Variants in BRIP1 observed in about 807,000 individuals in gnomAD.
The protein encoded by BRIP1 is BRCA1 interacting DNA helicase 1, also known as Fanconi anemia group J protein.
Under a neutral mutation model 119.7 loss-of-function variants are expected in BRIP1, and 88 were observed. The observed-to-expected ratio is 0.74, with a 90% CI of 0.62 to 0.88. The LOEUF is 0.88. BRIP1 is among the 40% of genes least tolerant of loss of function. The pLI, the probability that BRIP1 is intolerant of heterozygous loss-of-function variation, is 0.00. For synonymous variants in BRIP1, 443 were observed against 496.5 expected (o/e 0.89, Z 1.43); for missense variants, 1,259 against 1,455.4 (o/e 0.87, Z 2.20).
At chr17:61,737,892 T>C (rs1255967359) in intron 16 of BRIP1, among the ~76,000 whole-genome samples, 3 of 152,214 alleles carry the variant, frequency 2.0e-5, no homozygotes, top group African/African-American at 7.2e-5. Context: ...GTAGAAATTA[T>C]CCCTTTTCTC....
chr17:61,773,969 C>T (rs899499024), intron 14 of BRIP1, among the ~76,000 whole-genome samples: 5 of 152,082 alleles, frequency 3.3e-5, no homozygotes, highest in East Asian at 3.9e-4. Context: ...GAAACAGGAA[C>T]GCTTTTACAC....
chr17:61,761,413 A>T lies in BRIP1; in HGVS notation c.2097+14988T>A, dbSNP rs568514766. 6.6e-6 allele frequency among the ~76,000 whole-genome samples: 1 copy of T among 152,164 alleles called. No individual in the cohort carries two copies. Among genetic ancestry groups the T allele is most frequent in the South Asian group, 2.1e-4 (1 of 4,822 alleles). On this transcript the variant is annotated intron_variant, in intron 14 of 19. Coordinates refer to ENST00000259008, the MANE Select transcript of BRIP1 (RefSeq NM_032043.3). The surrounding 1 kb of genome is among the most constrained non-coding windows in gnomAD (Gnocchi z 6.4). The stretch of plus-strand genomic sequence containing the variant: ...CAGTACTGAAGTCCTTGCCAGAAAA[A>T]TTTAGAAAGAGAAAGAAATAAAAAG...
At position 61,852,440 on chromosome 17, in the gene BRIP1, G is replaced by A. The variant is rs77877741; in HGVS notation, c.380-3184C>T. Among the ~76,000 whole-genome samples the A allele has an allele frequency of 6.6e-6, 1 of 152,076 alleles. No homozygotes were observed. Among genetic ancestry groups the A allele is most frequent in the Non-Finnish European group, 1.5e-5 (1 of 68,018 alleles). On this transcript the variant is annotated intron_variant, in intron 4 of 19. Transcript: ENST00000259008. The surrounding 1 kb of genome is among the most constrained non-coding windows in gnomAD (Gnocchi z 4.9). ...TTCAAGCACTTTGGGAGGCTGAGGC[G>A]AGTGATCATTTGAGGTCAGGAGTTA...
chr17:61,713,923 G>A lies in BRIP1; in HGVS notation c.2492+2028C>T, dbSNP rs2159452. Among the ~76,000 whole-genome samples the A allele has an allele frequency of 0.022, 3,271 of 152,004 alleles. 55 individuals are homozygous for A. The highest frequency in any genetic ancestry group is 0.031 in the Non-Finnish European group (2,076 of 67,948). On this transcript the variant is annotated intron_variant, in intron 17 of 19. Coordinates refer to ENST00000259008, the MANE Select transcript of BRIP1 (RefSeq NM_032043.3). This position sits in a 1 kb window ranked among gnomAD's most constrained non-coding sequence, Gnocchi z 4.9. ...GAATAAGGATATAAAAATTATTTTT[G>A]TACAGCTGTATAATTTGTGTTTTAA...
rs2158005 is a variant in BRIP1 at position 61,709,174 on chromosome 17, G to T, written c.2492+6777C>A. On this transcript the variant is annotated intron_variant, in intron 17 of 19. Coordinates refer to ENST00000259008, the MANE Select transcript of BRIP1 (RefSeq NM_032043.3). The surrounding 1 kb of genome is among the most constrained non-coding windows in gnomAD (Gnocchi z 5.0). ...CTTTTTCATGCATAAATCTGAAAGTGCTTGTTGACTATCATCAATGTAGAT... is the reference window on the plus strand; with the variant it reads ...CTTTTTCATGCATAAATCTGAAAGTTCTTGTTGACTATCATCAATGTAGAT... 0.38 allele frequency among the ~76,000 whole-genome samples: 57,356 copies of T among 151,958 alleles called. 11,368 individuals are homozygous for T. Among genetic ancestry groups the T allele is most frequent in the African/African-American group, 0.49 (20,377 of 41,446 alleles).
Position 61,713,506 on chromosome 17 carries a change from A to G in BRIP1, c.2492+2445T>C, listed in dbSNP as rs1465267795. On this transcript the variant is annotated intron_variant, in intron 17 of 19. Coordinates refer to ENST00000259008, the MANE Select transcript of BRIP1 (RefSeq NM_032043.3). This position sits in a 1 kb window ranked among gnomAD's most constrained non-coding sequence, Gnocchi z 4.9. ...ATCCTGTGTAGGCCTAGGATACTAC[A>G]TGAGTGTTTATGTCTTCATTTTTTT... Among the ~76,000 whole-genome samples the G allele has an allele frequency of 3.3e-5, 5 of 151,718 alleles. No homozygotes were observed. Among genetic ancestry groups the G allele is most frequent in the African/African-American group, 4.8e-5 (2 of 41,296 alleles).
At position 61,740,974 on chromosome 17, in the gene BRIP1, T is replaced by G. The variant is rs539109717; in HGVS notation, c.2379+2039A>C. Among the ~76,000 whole-genome samples, 2 of 152,196 alleles carry G rather than the reference T, an allele frequency of 1.3e-5. No homozygotes were observed. Among genetic ancestry groups the G allele is most frequent in the Non-Finnish European group, 2.9e-5 (2 of 68,044 alleles). ...TTTCACAATAGATTTCTCTGTGGCA[T>G]AAGATGCTCTTTGATAGCATTTTAC... On this transcript the variant is annotated intron_variant, in intron 16 of 19. Coordinates refer to ENST00000259008, the MANE Select transcript of BRIP1 (RefSeq NM_032043.3). The surrounding 1 kb of genome is among the most constrained non-coding windows in gnomAD (Gnocchi z 5.4).
Position 61,816,794 on chromosome 17 carries a change from G to A in BRIP1, c.628-8037C>T, listed in dbSNP as rs1040038070. ...AGACTCAAACGAGCAAAATGGGGAA[G>A]TGGGCGGGTAGGCGGAAAATATCTT... On this transcript the variant is annotated intron_variant, in intron 6 of 19. Transcript: ENST00000259008. The surrounding 1 kb of genome is among the most constrained non-coding windows in gnomAD (Gnocchi z 5.0). Among the ~76,000 whole-genome samples, 4 of 152,168 alleles carry A rather than the reference G, an allele frequency of 2.6e-5. No individual in the cohort carries two copies. The highest frequency in any genetic ancestry group is 5.9e-5 in the Non-Finnish European group (4 of 68,022).
chr17:61,772,971 G>A (rs2077481139), intron 14 of BRIP1, among the ~76,000 whole-genome samples: 1 of 151,814 alleles, frequency 6.6e-6, no homozygotes, highest in African/African-American at 2.4e-5. Flanking sequence ...TATAGTGAAG[G>A]GAGCTGTTGT....
chr17:61,826,731 T>TAAAAAAAAAAAAA (rs58466965), intron 6 of BRIP1, among the ~76,000 whole-genome samples: 1 of 75,318 alleles, frequency 1.3e-5, no homozygotes, highest in Non-Finnish European at 2.5e-5. Context: ...TATTAAAAAG[T>TAAAAAAAAAAAAA]AAAAAAAAAA....
rs1474062500 is a variant in BRIP1 at position 61,755,470 on chromosome 17, G to A, written c.2098-10879C>T. Reference sequence around the variant, plus strand: ...GTTACTCAGGAGGCTGAGGTGGGAGGACTGCTTGAGCCCTGGAGGTTGAGG... The same window carrying A: ...GTTACTCAGGAGGCTGAGGTGGGAGAACTGCTTGAGCCCTGGAGGTTGAGG... On this transcript the variant is annotated intron_variant, in intron 14 of 19. Coordinates refer to ENST00000259008, the MANE Select transcript of BRIP1 (RefSeq NM_032043.3). The surrounding 1 kb of genome is among the most constrained non-coding windows in gnomAD (Gnocchi z 4.5). Among the ~76,000 whole-genome samples, 2 of 152,060 alleles carry A rather than the reference G, an allele frequency of 1.3e-5. No individual in the cohort carries two copies. The highest frequency in any genetic ancestry group is 3.9e-4 in the East Asian group (2 of 5,188).
At position 61,839,777 on chromosome 17, in the gene BRIP1, TAG is replaced by T. The variant is rs539071481; in HGVS notation, c.627+7322_627+7323del. Among the ~76,000 whole-genome samples, 9 of 152,302 alleles carry T rather than the reference TAG, an allele frequency of 5.9e-5. No individual in the cohort carries two copies. In the South Asian group the frequency reaches 1.9e-3, roughly 32 times the overall value. On this transcript the variant is annotated intron_variant, in intron 6 of 19. Coordinates refer to ENST00000259008, the MANE Select transcript of BRIP1 (RefSeq NM_032043.3). ...AAATTATTCCATTTCTAGAGATATG[TAG>T]AGTTATACCACCTAAAGCCAAGGAA...
chr17:61,808,873 A>G lies in BRIP1; in HGVS notation c.628-116T>C. On this transcript the variant is annotated intron_variant, in intron 6 of 19. Coordinates refer to ENST00000259008, the MANE Select transcript of BRIP1 (RefSeq NM_032043.3). This position sits in a 1 kb window ranked among gnomAD's most constrained non-coding sequence, Gnocchi z 4.1. ...GAATCACAATGGTCAAATAAAGAGA[A>G]ATAACAAGAAATTATAGTATCTAAA... 3 of 1,053,444 alleles carry G rather than the reference A, an allele frequency of 2.8e-6. No homozygotes were observed. The South Asian group carries it at 4.4e-5, about 16-fold the overall frequency. 65.3% of individuals were successfully genotyped at this position (1,053,444 alleles called of 1,614,324 possible).
In BRIP1 at chr17:61,754,953, C is replaced by T. The variant is rs926744238; in HGVS notation, c.2098-10362G>A. On this transcript the variant is annotated intron_variant, in intron 14 of 19. Transcript: ENST00000259008. This position sits in a 1 kb window ranked among gnomAD's most constrained non-coding sequence, Gnocchi z 4.1. ...ACCACACTGGGGGTTAGGGCTTCAA[C>T]ATAAAAAATTTGGTGGTATACAAAC... Among the ~76,000 whole-genome samples, 1 of 152,168 alleles carries T rather than the reference C, an allele frequency of 6.6e-6. No individual in the cohort carries two copies. Among genetic ancestry groups the T allele is most frequent in the Non-Finnish European group, 1.5e-5 (1 of 68,030 alleles).
chr17:61,693,545 T>C lies in BRIP1; in HGVS notation c.2493-33A>G, dbSNP rs766761083. The C allele has an allele frequency of 6.5e-7, 1 of 1,542,286 alleles. No homozygotes were observed. The highest frequency in any genetic ancestry group is 1.4e-5 in the African/African-American group (1 of 73,428). Reference sequence around the variant, plus strand: ...AAATAGGGAAAAAGTCAAATAATTATAACATCGGAAATAAATCCAGTTTTC... The same window carrying C: ...AAATAGGGAAAAAGTCAAATAATTACAACATCGGAAATAAATCCAGTTTTC... On this transcript the variant is annotated intron_variant, in intron 17 of 19. Coordinates refer to ENST00000259008, the MANE Select transcript of BRIP1 (RefSeq NM_032043.3). This position sits in a 1 kb window ranked among gnomAD's most constrained non-coding sequence, Gnocchi z 4.2.
rs2078696612 is a variant in BRIP1, at chr17:61,844,192, G to C, written c.627+2909C>G. On this transcript the variant is annotated intron_variant, in intron 6 of 19. Coordinates refer to ENST00000259008, the MANE Select transcript of BRIP1 (RefSeq NM_032043.3). The surrounding 1 kb of genome is among the most constrained non-coding windows in gnomAD (Gnocchi z 4.7). The stretch of plus-strand genomic sequence containing the variant: ...AATCCTCTCACCTTGGCCTCCCAAA[G>C]TGCTGAGATTATAGGCATGAGCCAT... 2.0e-5 allele frequency among the ~76,000 whole-genome samples: 3 copies of C among 152,090 alleles called. No individual in the cohort carries two copies. Among genetic ancestry groups the C allele is most frequent in the African/African-American group, 7.2e-5 (3 of 41,402 alleles).
At chr17:61,859,706 A>G (rs760881576) in intron 3 of BRIP1, 90 bp downstream of exon 3, 8 of 839,322 alleles carry the variant, frequency 9.5e-6, no homozygotes, top group Non-Finnish European at 1.7e-5. Context: ...AGTTAGCGAC[A>G]GCATGGCTGA....
At chr17:61,721,505 G>A (rs567566426) in intron 16 of BRIP1, among the ~76,000 whole-genome samples, 129 of 151,180 alleles carry the variant, frequency 8.5e-4, no homozygotes, top group Non-Finnish European at 1.0e-3. Flanking sequence ...TCTTGACCTC[G>A]TGATCCACCC....
rs550215966 is a variant in BRIP1 at position 61,737,000 on chromosome 17, C to T, written c.2379+6013G>A. Among the ~76,000 whole-genome samples, 2 of 151,940 alleles carry T rather than the reference C, an allele frequency of 1.3e-5. No homozygotes were observed. The highest frequency in any genetic ancestry group is 4.8e-5 in the African/African-American group (2 of 41,434). On this transcript the variant is annotated intron_variant, in intron 16 of 19. Transcript: ENST00000259008. This position sits in a 1 kb window ranked among gnomAD's most constrained non-coding sequence, Gnocchi z 4.4. The stretch of plus-strand genomic sequence containing the variant: ...CAAAGTATAAAGATGGAATCTGTGA[C>T]AATAACAATATAAAAAGGGAGGAAC...
Sources: allele counts gnomAD v4.1 joint callset (sites outside exome capture counted in the v4.1 genomes callset), GRCh38; gene constraint gnomAD v4.1.1; non-coding constraint Gnocchi (gnomAD v3.1); transcripts MANE v1.5; gene names NCBI Gene and HGNC (gene_info 2026-07-23, HGNC 2026-07-21).